Variants in ZNF426 observed in about 807,000 individuals in gnomAD.
The protein encoded by ZNF426 is zinc finger protein 426, also known as CTC-543D15.7.
A neutral mutation model predicts 24.0 loss-of-function variants in ZNF426; 23 were observed. The observed-to-expected ratio is 0.96, with a 90% CI of 0.69 to 1.36. The LOEUF (loss-of-function observed/expected upper bound fraction) is 1.36, where lower values mean the gene tolerates loss of function less well. ZNF426 is among the 40% of genes most tolerant of loss of function. ZNF426 has a pLI of 0.00. For synonymous variants in ZNF426, 272 were observed against 224.6 expected (o/e 1.21, Z -1.89); for missense variants, 646 against 658.4 (o/e 0.98, Z 0.21).
At chr19:9,531,124 C>G (rs137949234) in intron 6 of ZNF426, 57 bp from the exon 7 acceptor site, 23 of 1,400,028 alleles carry the variant, frequency 1.6e-5, no homozygotes, top group Non-Finnish European at 2.2e-5. Flanking sequence ...GTGGCTCATG[C>G]CTGTAATCCC....
chr19:9,533,289 T>TA (rs2073914726), intron 5 of ZNF426, among the ~76,000 whole-genome samples: 1 of 74,582 alleles, frequency 1.3e-5, no homozygotes, highest in Non-Finnish European at 2.7e-5. Context: ...CTTCTAAAAA[T>TA]ACAAAAAAAA....
intron 7 of ZNF426, among the ~76,000 whole-genome samples, chr19:9,529,918 C>A (rs538800791): frequency 6.6e-6 from 1 of 151,830 alleles, no homozygotes; most frequent in Non-Finnish European, 1.5e-5. Flanking sequence ...GTCAGGAGTT[C>A]AAGACCAGCA....
chr19:9,537,451 CTTTT>C (rs199870394), intron 2 of ZNF426, among the ~76,000 whole-genome samples: 1 of 137,906 alleles, frequency 7.3e-6, no homozygotes, highest in East Asian at 2.1e-4. Flanking sequence ...ATATTTAACT[CTTTT>C]TTTTTTTTTT....
Position 9,528,763 on chromosome 19 carries a change from C to A in ZNF426, c.1282G>T (p.Val428Leu). ...KACECKICGKVFGYPSCLNNH... is the reference protein window; with the variant it reads ...KACECKICGKLFGYPSCLNNH... Reference sequence around the variant, plus strand: ...TTAAGACATGAGGGATACCCAAATACTTTCCCACATATCTTACACTCACAG... The same window carrying A: ...TTAAGACATGAGGGATACCCAAATAATTTCCCACATATCTTACACTCACAG... Residue 428 changes from valine to leucine, a missense_variant, in exon 8 of 8, where the codon GTA becomes TTA. Physicochemically the swap from Val to Leu is conservative, Grantham distance 32. Transcript: ENST00000253115. The A allele has an allele frequency of 6.2e-7, 1 of 1,614,134 alleles. No homozygotes were observed. The highest frequency in any genetic ancestry group is 8.5e-7 in the Non-Finnish European group (1 of 1,180,008).
rs1410542310 is a variant in ZNF426, at chr19:9,531,014, T to G, written c.379A>C (p.Arg127=). The change falls in exon 7 of 8, where the codon AGG becomes CGG. Residue 127 remains arginine (R), a synonymous_variant. Coordinates refer to ENST00000253115, the MANE Select transcript of ZNF426 (RefSeq NM_024106.3). ...QWSILQQDFL[R]GQTSIGIQLE... ...TGTATCCCAATGGATGTCTGACCCCTCAAAAAGTCCTGCTGAAGTATAGAC... is the reference window on the plus strand; with the variant it reads ...TGTATCCCAATGGATGTCTGACCCCGCAAAAAGTCCTGCTGAAGTATAGAC... 1.2e-6 allele frequency: 2 copies of G among 1,613,972 alleles called. No homozygotes were observed. The highest frequency in any genetic ancestry group is 1.7e-6 in the Non-Finnish European group (2 of 1,179,870).
At chr19:9,536,461 G>A (rs1238850139) in intron 2 of ZNF426, 105 bp from the exon 3 acceptor site, 1 of 1,190,510 alleles carries the variant, frequency 8.4e-7, no homozygotes, top group Non-Finnish European at 1.2e-6. Flanking sequence ...AGCATTTTGG[G>A]AGGCCAGGGT....
chr19:9,528,453 G>A lies in ZNF426; in HGVS notation c.1592C>T (p.Pro531Leu). 6.2e-7 allele frequency: 1 copy of A among 1,613,716 alleles called. No individual in the cohort carries two copies. The highest frequency in any genetic ancestry group is 8.5e-7 in the Non-Finnish European group (1 of 1,179,896). The change falls in exon 8 of 8, where the codon CCC (proline) becomes CTC (leucine). Residue 531 changes from proline to leucine, a missense_variant. Transcript: ENST00000253115. ...TTTCCCGCATTGCTGACATTTATAG[G>A]GTTTCTCTTCTGTGTGAGTTTTTTC... ...IHEKTHTEEK[P>L]YKCQQCGKAY...
chr19:9,528,415 G>A lies in ZNF426; in HGVS notation c.1630C>T (p.Pro544Ser). The change falls in exon 8 of 8, where the codon CCC becomes TCC. Residue 544 changes from proline to serine, a missense_variant. Physicochemically the swap from Pro to Ser is moderately conservative, Grantham distance 74 (BLOSUM62 -1). Transcript: ENST00000253115. Reference protein sequence around the residue: ...CQQCGKAYSHPRSLRRHEQIH With the variant: ...CQQCGKAYSHSRSLRRHEQIH ...TGTTCATGTCTTCGAAGTGAACGGG[G>A]ATGACTGTAAGCTTTCCCGCATTGC... 6.2e-7 allele frequency: 1 copy of A among 1,604,628 alleles called. No individual in the cohort carries two copies. Among genetic ancestry groups the A allele is most frequent in the South Asian group, 1.1e-5 (1 of 89,542 alleles).
chr19:9,531,907 C>A (rs1333503000), intron 6 of ZNF426, among the ~76,000 whole-genome samples: 1 of 152,160 alleles, frequency 6.6e-6, no homozygotes, highest in Non-Finnish European at 1.5e-5. Context: ...ACGGCATAAA[C>A]CCGGGAGGTG....
Position 9,531,081 on chromosome 19 carries a change from GAC to G in ZNF426, c.326-16_326-15del, listed in dbSNP as rs2073876561. ...GCATTTCCCATCCTGAAATAAAACA[GAC>G]AAACAAATAAAAGGACTCAAGCTAG... On this transcript the variant is annotated splice_polypyrimidine_tract_variant and intron_variant, in intron 6 of 7. Transcript: ENST00000253115. The G allele has an allele frequency of 6.2e-7, 1 of 1,609,350 alleles. No homozygotes were observed. The highest frequency in any genetic ancestry group is 8.5e-7 in the Non-Finnish European group (1 of 1,175,728).
At position 9,527,453 on chromosome 19, in the gene ZNF426, G is replaced by T. The variant is rs1490661841; in HGVS notation, c.*927C>A. The T allele has an allele frequency of 1.3e-5, 2 of 152,092 alleles. No individual in the cohort carries two copies. The highest frequency in any genetic ancestry group is 6.6e-5 in the Admixed American group (1 of 15,256). 9.4% of individuals were successfully genotyped at this position (152,092 alleles called of 1,614,324 possible). On this transcript the variant is annotated 3_prime_UTR_variant, in exon 8 of 8. Coordinates refer to ENST00000253115, the MANE Select transcript of ZNF426 (RefSeq NM_024106.3). ...CTTTTTTCTCCTCTATTTTCACATG[G>T]TCTACGACCAGACAACTTGCATGTG... is the stretch of plus-strand genomic sequence containing the variant.
chr19:9,535,130 G>T, intron 4 of ZNF426, 58 bp downstream of exon 4: 84 of 1,043,976 alleles, frequency 8.0e-5, no homozygotes, highest in Non-Finnish European at 1.1e-4. Context: ...AGAGGGAAAT[G>T]TGTCTACCTG....
At chr19:9,537,678 G>T (rs921639354) in intron 2 of ZNF426, among the ~76,000 whole-genome samples, 2 of 151,410 alleles carry the variant, frequency 1.3e-5, no homozygotes, top group Non-Finnish European at 2.9e-5. Context: ...TGAGACGGAG[G>T]CTCACTCTGT....
chr19:9,530,225 G>T (rs1039725809), intron 7 of ZNF426, among the ~76,000 whole-genome samples: 1 of 152,076 alleles, frequency 6.6e-6, no homozygotes, highest in African/African-American at 2.4e-5. Context: ...GGCAAAGGTG[G>T]GTGGATCATT....
At position 9,528,855 on chromosome 19, in the gene ZNF426, C is replaced by T; in HGVS notation, c.1190G>A (p.Cys397Tyr). ...TGEKPFVCVE[C>Y]GKAFAVSSNL... is the part of the protein sequence containing the mutation. ...TGAGGAAACTGCAAAGGCTTTCCCA[C>T]ATTCAACACATACAAAAGGCTTCTC... The change falls in exon 8 of 8, where the codon TGT (cysteine) becomes TAT (tyrosine). Residue 397 changes from cysteine (C) to tyrosine (Y), a missense_variant. Physicochemically the swap from Cys to Tyr is radical, Grantham distance 194. Coordinates refer to ENST00000253115, the MANE Select transcript of ZNF426 (RefSeq NM_024106.3). 1.2e-6 allele frequency: 2 copies of T among 1,614,216 alleles called. No homozygotes were observed. Among genetic ancestry groups the T allele is most frequent in the Non-Finnish European group, 1.7e-6 (2 of 1,180,040 alleles).
At position 9,529,075 on chromosome 19, in the gene ZNF426, GA is replaced by G; in HGVS notation, c.969del (p.Gln324ArgfsTer60). On this transcript the variant is annotated frameshift_variant, in exon 8 of 8. Coordinates refer to ENST00000253115, the MANE Select transcript of ZNF426 (RefSeq NM_024106.3). LOFTEE classifies it low-confidence loss of function (END_TRUNC). ...CCAGTGTGAGTTCTTCCATGTATCT[GA>G]AATGAGTTGGAATAATTGAAGGCTT... is the stretch of plus-strand genomic sequence containing the variant. ...CGKAFNYSNS[F>X]QIHGRTHTGE... The G allele has an allele frequency of 2.5e-6, 4 of 1,613,238 alleles. No individual in the cohort carries two copies. Among genetic ancestry groups the G allele is most frequent in the Non-Finnish European group, 3.4e-6 (4 of 1,179,754 alleles).
In ZNF426 at chr19:9,528,173, A is replaced by AG. The variant is rs1244060575; in HGVS notation, c.*206dup. 2.0e-6 allele frequency: 1 copy of AG among 499,488 alleles called. No individual in the cohort carries two copies. Among genetic ancestry groups the AG allele is most frequent in the African/African-American group, 1.9e-5 (1 of 51,398 alleles). 30.9% of individuals were successfully genotyped at this position (499,488 alleles called of 1,614,324 possible). A position where few individuals can be genotyped will look rare whatever the true frequency, so the allele number is the denominator to read the frequency against. On this transcript the variant is annotated 3_prime_UTR_variant, in exon 8 of 8. Transcript: ENST00000253115. Reference sequence around the variant, plus strand: ...GCTAAATTTTTTGTATTTTCAGTAGAGACAAGGTTTCACCATGTTGGCCAG... The same window carrying AG: ...GCTAAATTTTTTGTATTTTCAGTAGAGGACAAGGTTTCACCATGTTGGCCAG...
chr19:9,536,518 T>C (rs948381920), intron 2 of ZNF426, 162 bp from the exon 3 acceptor site: 9 of 517,492 alleles, frequency 1.7e-5, no homozygotes, highest in South Asian at 5.6e-5. Context: ...CTGGGCAACA[T>C]AGCAAGACCC....
Position 9,528,347 on chromosome 19 carries a change from C to T in ZNF426, c.*33G>A. ...TAAAGTGAACTGGAACAAATGAGAG[C>T]TTTCCCACATTTATTACATGGACAG... On this transcript the variant is annotated 3_prime_UTR_variant, in exon 8 of 8. Coordinates refer to ENST00000253115, the MANE Select transcript of ZNF426 (RefSeq NM_024106.3). The T allele has an allele frequency of 6.5e-7, 1 of 1,535,452 alleles. No individual in the cohort carries two copies. The highest frequency in any genetic ancestry group is 8.8e-7 in the Non-Finnish European group (1 of 1,142,066).
Sources: gnomAD v4.1 joint callset for allele counts (sites outside exome capture counted in the v4.1 genomes callset) on GRCh38, gnomAD v4.1.1 for gene constraint, MANE v1.5 for transcripts, NCBI Gene and HGNC (gene_info 2026-07-23, HGNC 2026-07-21) for gene names.